Variants in PABPC4L observed in about 807,000 individuals in gnomAD.
PABPC4L encodes poly(A) binding protein cytoplasmic 4 like, also known as polyadenylate-binding protein 4-like.
For synonymous variants in PABPC4L, 169 were observed against 164.1 expected, an observed-to-expected ratio of 1.03 and a Z score of -0.23; for missense variants, 452 against 451.4, an observed-to-expected ratio of 1.00 and a Z score of -0.01.
the PABPC4L span, among the ~76,000 whole-genome samples, chr4:134,003,946 G>A: frequency 6.6e-6 from 1 of 151,776 alleles, no homozygotes; most frequent in Non-Finnish European, 1.5e-5. Context: ...ATATCCACAG[G>A]CAAAACACTG....
the PABPC4L span, among the ~76,000 whole-genome samples, chr4:134,002,796 T>C: frequency 6.6e-6 from 1 of 151,976 alleles, no homozygotes; most frequent in Non-Finnish European, 1.5e-5. Flanking sequence ...AAATGATACC[T>C]TGCAAAATGT....
At chr4:134,108,586 G>C in the PABPC4L span, among the ~76,000 whole-genome samples, 3 of 151,720 alleles carry the variant, frequency 2.0e-5, no homozygotes, top group East Asian at 1.9e-4. Flanking sequence ...ATAAACTTAG[G>C]CATTAGACAA....
At chr4:134,065,022 G>A in the PABPC4L span, among the ~76,000 whole-genome samples, 3 of 151,908 alleles carry the variant, frequency 2.0e-5, no homozygotes, top group African/African-American at 4.8e-5. Flanking sequence ...TTGAATCCAC[G>A]TTTTTGCTAT....
the PABPC4L span, among the ~76,000 whole-genome samples, chr4:134,145,204 A>G: frequency 6.6e-6 from 1 of 151,792 alleles, no homozygotes; most frequent in African/African-American, 2.4e-5. Context: ...ATGTTAGCAA[A>G]ATGATTCCCA....
At chr4:134,153,670 T>TAGATA in the PABPC4L span, among the ~76,000 whole-genome samples, 43 of 151,694 alleles carry the variant, frequency 2.8e-4, no homozygotes, top group Non-Finnish European at 5.4e-4. Context: ...TTTCTTAAGA[T>TAGATA]AGAGTCTTGA....
the PABPC4L span, among the ~76,000 whole-genome samples, chr4:134,058,248 GAGA>G: frequency 1.3e-5 from 2 of 151,960 alleles, no homozygotes; most frequent in East Asian, 3.9e-4. Flanking sequence ...TAAATAAATT[GAGA>G]AGAAGAGTAA....
chr4:134,189,476 T>C, the PABPC4L span, among the ~76,000 whole-genome samples: 1 of 152,080 alleles, frequency 6.6e-6, no homozygotes, highest in African/African-American at 2.4e-5. Flanking sequence ...TATACATACA[T>C]GTACATACAT....
the PABPC4L span, among the ~76,000 whole-genome samples, chr4:134,130,041 G>T: frequency 1.3e-5 from 2 of 150,084 alleles, no homozygotes; most frequent in Non-Finnish European, 1.5e-5. Context: ...CTCCAGCCTG[G>T]GTGACAGAGC....
At chr4:134,093,486 T>C in the PABPC4L span, among the ~76,000 whole-genome samples, 2 of 151,676 alleles carry the variant, frequency 1.3e-5, no homozygotes, top group African/African-American at 4.8e-5. Context: ...TCATTCTTTA[T>C]CTGTATTTTA....
the PABPC4L span, among the ~76,000 whole-genome samples, chr4:133,949,005 T>TC: frequency 2.0e-5 from 3 of 152,170 alleles, no homozygotes; most frequent in Admixed American, 6.5e-5. Context: ...TGAGATCCCT[T>TC]CCTGAGATAT....
chr4:134,174,633 T>G, the PABPC4L span, among the ~76,000 whole-genome samples: 1 of 152,148 alleles, frequency 6.6e-6, no homozygotes, highest in African/African-American at 2.4e-5. Flanking sequence ...TGTATATGTA[T>G]TTATGTTTGT....
chr4:134,133,400 TTA>T, the PABPC4L span, among the ~76,000 whole-genome samples: 4 of 143,950 alleles, frequency 2.8e-5, no homozygotes, highest in African/African-American at 7.6e-5. Context: ...ATAATAAATA[TTA>T]TATATTATTA....
chr4:134,013,245 A>G, the PABPC4L span, among the ~76,000 whole-genome samples: 3 of 151,560 alleles, frequency 2.0e-5, no homozygotes, highest in Non-Finnish European at 4.4e-5. Context: ...CCGACCTCTT[A>G]TCTCTGCACC....
the PABPC4L span, among the ~76,000 whole-genome samples, chr4:134,055,136 G>A: frequency 6.6e-6 from 1 of 151,836 alleles, no homozygotes; most frequent in South Asian, 2.1e-4. Context: ...TGGATTGAAT[G>A]GTCTTCCCCA....
At chr4:134,174,390 G>A in the PABPC4L span, among the ~76,000 whole-genome samples, 7 of 152,102 alleles carry the variant, frequency 4.6e-5, no homozygotes, top group African/African-American at 1.4e-4. Flanking sequence ...ATTAGATACT[G>A]TACATAATTG....
the PABPC4L span, among the ~76,000 whole-genome samples, chr4:134,110,559 TTGTGTGTGTGTGTGTGTGTGTGTG>T: frequency 2.1e-5 from 3 of 144,736 alleles, no homozygotes; most frequent in East Asian, 2.1e-4. Context: ...TCTCTCTGTC[TTGTGTGTGTGTGTGTGTGTGTGTG>T]TGTGTGTGTG....
the PABPC4L span, among the ~76,000 whole-genome samples, chr4:133,994,396 G>A: frequency 6.6e-6 from 1 of 152,068 alleles, no homozygotes; most frequent in Non-Finnish European, 1.5e-5. Flanking sequence ...TCCCCCATTG[G>A]GCTAATAGGT....
At chr4:134,116,233 G>C in the PABPC4L span, among the ~76,000 whole-genome samples, 1 of 151,732 alleles carries the variant, frequency 6.6e-6, no homozygotes, top group Non-Finnish European at 1.5e-5. Context: ...AACTGGTAGT[G>C]TTCAAAGAAG....
At chr4:134,078,603 T>C in the PABPC4L span, among the ~76,000 whole-genome samples, 4 of 151,856 alleles carry the variant, frequency 2.6e-5, no homozygotes, top group Admixed American at 2.0e-4. Flanking sequence ...ATACTCATTA[T>C]AGTCCTAGAA....
Sources: allele counts gnomAD v4.1 joint callset (sites outside exome capture counted in the v4.1 genomes callset), GRCh38; gene constraint gnomAD v4.1.1; transcripts MANE v1.5; gene names NCBI Gene and HGNC (gene_info 2026-07-23, HGNC 2026-07-21).